The following AKNAD1 variants were observed in gnomAD, a reference collection of about 807,000 sequenced individuals.
The protein encoded by AKNAD1 is AKNA domain containing 1.
In AKNAD1, 67 loss-of-function variants were observed where a neutral mutation model predicts 90.8. The ratio of observed to expected loss-of-function variants is 0.74; its 90% CI spans 0.61 to 0.90. The LOEUF (loss-of-function observed/expected upper bound fraction) is 0.90. Ranked by LOEUF, AKNAD1 falls within the 40% of genes least tolerant of loss-of-function variation. The pLI is 0.00. For missense variants in AKNAD1, 957 were observed against 975.4 expected, an observed-to-expected ratio of 0.98 and a Z score of 0.25; for synonymous variants, 327 against 341.4, an observed-to-expected ratio of 0.96 and a Z score of 0.46.
intron 5 of AKNAD1, among the ~76,000 whole-genome samples, chr1:108,843,768 T>C (rs1027801545): frequency 2.0e-5 from 3 of 152,200 alleles, no homozygotes; most frequent in Non-Finnish European, 4.4e-5. Flanking sequence ...GGTTTCAGTC[T>C]GTGGGGAGTT....
chr1:108,842,991 G>T, intron 6 of AKNAD1, 143 bp downstream of exon 6: 3 of 1,042,346 alleles, frequency 2.9e-6, no homozygotes, highest in South Asian at 1.6e-5. Context: ...GGTATTAGGT[G>T]ACACTTTGTT....
intron 14 of AKNAD1, among the ~76,000 whole-genome samples, chr1:108,819,919 CAAAAAAAAAAAA>C (rs71591113): frequency 7.7e-6 from 1 of 129,066 alleles, no homozygotes; most frequent in South Asian, 2.5e-4. Flanking sequence ...GAATTAACAG[CAAAAAAAAAAAA>C]AAAAAAAATA....
chr1:108,831,238 G>C (rs1056474842), intron 9 of AKNAD1, among the ~76,000 whole-genome samples: 1 of 152,200 alleles, frequency 6.6e-6, no homozygotes, highest in African/African-American at 2.4e-5. Context: ...ACCACCCACT[G>C]TGTATTTTTG....
intron 14 of AKNAD1, among the ~76,000 whole-genome samples, chr1:108,818,454 C>A (rs574197513): frequency 6.6e-6 from 1 of 152,144 alleles, no homozygotes; most frequent in Non-Finnish European, 1.5e-5. Context: ...GCAGAGTCCT[C>A]TCTCTCCCCA....
intron 1 of AKNAD1, among the ~76,000 whole-genome samples, chr1:108,856,718 T>A (rs79007805): frequency 8.0e-4 from 114 of 142,924 alleles, no homozygotes; most frequent in East Asian, 2.7e-3. Flanking sequence ...TCTCTCTCTC[T>A]CACACACACA....
chr1:108,819,935 A>AAT lies in AKNAD1; in HGVS notation c.2249+609_2249+610insAT, dbSNP rs1474387201. On this transcript the variant is annotated intron_variant, in intron 14 of 15. Transcript: ENST00000370001. ...AATTAACAGCAAAAAAAAAAAAAAAAAAAATACCCTAATTGGCTTCCTCTT... is the reference window on the plus strand; with the variant it reads ...AATTAACAGCAAAAAAAAAAAAAAAAATAAAATACCCTAATTGGCTTCCTCTT... Among the ~76,000 whole-genome samples the AAT allele has an allele frequency of 1.5e-4, 23 of 151,874 alleles. No individual in the cohort carries two copies. The East Asian group carries it at 3.9e-3, about 26-fold the overall frequency.
intron 6 of AKNAD1, among the ~76,000 whole-genome samples, chr1:108,839,141 A>C (rs1172442477): frequency 3.3e-5 from 5 of 152,202 alleles, no homozygotes; most frequent in Non-Finnish European, 7.3e-5. Flanking sequence ...AATTCTACCA[A>C]GACTTTTAAG....
At chr1:108,821,875 C>T (rs541979031) in intron 13 of AKNAD1, among the ~76,000 whole-genome samples, 20 of 152,218 alleles carry the variant, frequency 1.3e-4, no homozygotes, top group African/African-American at 4.6e-4. Context: ...GTCTTCCCCT[C>T]GTTCTCCCTC....
intron 6 of AKNAD1, among the ~76,000 whole-genome samples, chr1:108,839,561 T>C (rs1211010970): frequency 6.6e-6 from 1 of 151,874 alleles, no homozygotes; most frequent in Non-Finnish European, 1.5e-5. Context: ...ATTAATAGAT[T>C]AAAGGAGAAA....
chr1:108,855,208 T>C (rs1664994861), intron 1 of AKNAD1, among the ~76,000 whole-genome samples: 1 of 148,110 alleles, frequency 6.8e-6, no homozygotes, highest in East Asian at 2.1e-4. Context: ...GGTCAAGAGA[T>C]GGAGGCCATC....
intron 14 of AKNAD1, 67 bp downstream of exon 14, chr1:108,820,478 A>G (rs1663775948): frequency 3.7e-6 from 4 of 1,075,636 alleles, no homozygotes; most frequent in South Asian, 2.6e-5. Context: ...TTAATGCACT[A>G]TCAAGTACAC....
chr1:108,821,845 C>CT (rs1663821308), intron 13 of AKNAD1, among the ~76,000 whole-genome samples: 1 of 151,804 alleles, frequency 6.6e-6, no homozygotes, highest in South Asian at 2.1e-4. Flanking sequence ...TTCCCTTTCC[C>CT]TCTTCTTCTT....
intron 6 of AKNAD1, among the ~76,000 whole-genome samples, chr1:108,840,821 T>C (rs1300256076): frequency 6.6e-6 from 1 of 152,024 alleles, no homozygotes; most frequent in Non-Finnish European, 1.5e-5. Context: ...GGAAACTATG[T>C]TGGGATCTTG....
At chr1:108,830,133 G>A (rs564746337) in intron 10 of AKNAD1, among the ~76,000 whole-genome samples, 2 of 152,212 alleles carry the variant, frequency 1.3e-5, no homozygotes, top group African/African-American at 4.8e-5. Flanking sequence ...GGGATGGTGG[G>A]AGCTGTTTGT....
rs1012176211 is a variant in AKNAD1, at chr1:108,816,842, T to G, written c.2379+206A>C. On this transcript the variant is annotated intron_variant, in intron 15 of 15. Coordinates refer to ENST00000370001, the MANE Select transcript of AKNAD1 (RefSeq NM_152763.5). The stretch of plus-strand genomic sequence containing the variant: ...CCACAAATCACTTTCTCCAGGAAAT[T>G]TCCCTTGGAACCAATTTAGAATAAT... 1.2e-5 allele frequency: 6 copies of G among 513,204 alleles called. No individual in the cohort carries two copies. In the East Asian group the frequency reaches 1.8e-4, roughly 16 times the overall value. The allele number at this position is 513,204 out of a possible 1,614,324, so 31.8% of individuals were successfully genotyped here. A position where few individuals can be genotyped will look rare whatever the true frequency, so the allele number is the denominator to read the frequency against.
rs376372212 is a variant in AKNAD1, at chr1:108,824,697, C to A, written c.1937-1009G>T. Among the ~76,000 whole-genome samples, 19 of 151,638 alleles carry A rather than the reference C, an allele frequency of 1.3e-4. 1 individual carries two copies. The East Asian group carries it at 2.2e-3, about 18-fold the overall frequency. On this transcript the variant is annotated intron_variant, in intron 11 of 15. Coordinates refer to ENST00000370001, the MANE Select transcript of AKNAD1 (RefSeq NM_152763.5). Reference sequence around the variant, plus strand: ...TGGCTCAATCATAAGCCTCAACCTTCTGTGTTTTTTTTGTTTTGTTTTGTT... The same window carrying A: ...TGGCTCAATCATAAGCCTCAACCTTATGTGTTTTTTTTGTTTTGTTTTGTT...
chr1:108,826,566 C>T (rs137943894), intron 11 of AKNAD1, among the ~76,000 whole-genome samples: 192 of 151,586 alleles, frequency 1.3e-3, no homozygotes, highest in African/African-American at 4.2e-3. Context: ...TAGCCAGTAA[C>T]CTTACCAGGT....
intron 10 of AKNAD1, 82 bp from the exon 11 acceptor site, chr1:108,827,384 A>G: frequency 5.7e-6 from 6 of 1,045,312 alleles, no homozygotes; most frequent in Non-Finnish European, 8.9e-6. Flanking sequence ...TTGAAACGTT[A>G]AATTTTGTTA....
At chr1:108,837,774 T>A in intron 6 of AKNAD1, 68 bp from the exon 7 acceptor site, 1 of 1,502,134 alleles carries the variant, frequency 6.7e-7, no homozygotes, top group Non-Finnish European at 9.2e-7. Context: ...ATAATGACAG[T>A]TCTTGAATAC....
Sources: allele counts gnomAD v4.1 joint callset (sites outside exome capture counted in the v4.1 genomes callset), GRCh38; gene constraint gnomAD v4.1.1; transcripts MANE v1.5; gene names NCBI Gene and HGNC (gene_info 2026-07-23, HGNC 2026-07-21).